The following SESTD1 variants were observed in gnomAD, a reference collection of about 807,000 sequenced individuals.
SESTD1 encodes the protein SEC14 and spectrin domain containing 1, also known as SEC14 domain and spectrin repeat-containing protein 1.
A neutral mutation model predicts 101.7 loss-of-function variants in SESTD1; 43 were observed. The observed-to-expected ratio is 0.42, with a 90% CI of 0.33 to 0.55. The LOEUF (loss-of-function observed/expected upper bound fraction) is 0.55. Among genes scored for constraint, SESTD1 ranks in the 20% least tolerant of loss-of-function variants. The pLI is 0.07. For synonymous variants in SESTD1, 283 were observed against 286.8 expected (o/e 0.99, Z 0.13); for missense variants, 647 against 815.1 (o/e 0.79, Z 2.51).
At chr2:179,113,928 T>G (rs1575419079) in intron 16 of SESTD1, among the ~76,000 whole-genome samples, 1 of 148,518 alleles carries the variant, frequency 6.7e-6, no homozygotes, top group Non-Finnish European at 1.5e-5. Flanking sequence ...CCTTTGACAG[T>G]GAGGTGATTG....
At chr2:179,260,258 G>T (rs2047463229) in intron 1 of SESTD1, among the ~76,000 whole-genome samples, 3 of 152,186 alleles carry the variant, frequency 2.0e-5, no homozygotes, top group Admixed American at 2.0e-4. Context: ...CGGGCCAGGT[G>T]CAATGGCTCA....
At position 179,102,141 on chromosome 2, in the gene SESTD1, G is replaced by A. The variant is rs142738328; in HGVS notation, c.*7758C>T. 6.6e-6 allele frequency: 1 copy of A among 152,226 alleles called. No individual in the cohort carries two copies. Among genetic ancestry groups the A allele is most frequent in the African/African-American group, 2.4e-5 (1 of 41,536 alleles). The allele number at this position is 152,226 out of a possible 1,614,324, so 9.4% of individuals were successfully genotyped here. ...AAATTTCACCACTGTCTATTATGGT[G>A]AGAACCTATTTCTGACAACATGAGA... is the stretch of plus-strand genomic sequence containing the variant. On this transcript the variant is annotated 3_prime_UTR_variant, in exon 18 of 18. Coordinates refer to ENST00000428443, the MANE Select transcript of SESTD1 (RefSeq NM_178123.5).
intron 2 of SESTD1, among the ~76,000 whole-genome samples, chr2:179,184,287 A>T (rs1300126910): frequency 6.6e-6 from 1 of 152,218 alleles, no homozygotes; most frequent in Non-Finnish European, 1.5e-5. Flanking sequence ...CTTAAAAAGC[A>T]GCAAATACTG....
chr2:179,184,693 G>C (rs1235336205), intron 2 of SESTD1, among the ~76,000 whole-genome samples: 1 of 152,136 alleles, frequency 6.6e-6, no homozygotes, highest in African/African-American at 2.4e-5. Flanking sequence ...GGTCAAGAGA[G>C]GGCGTTAATA....
At chr2:179,226,198 C>T (rs2046882944) in intron 1 of SESTD1, among the ~76,000 whole-genome samples, 1 of 152,172 alleles carries the variant, frequency 6.6e-6, no homozygotes, top group Admixed American at 6.5e-5. Flanking sequence ...AAATAGGCTA[C>T]ACATACTCTT....
At chr2:179,115,322 T>C in intron 15 of SESTD1, 66 bp from the exon 16 acceptor site, 1 of 1,258,324 alleles carries the variant, frequency 7.9e-7, no homozygotes, top group Non-Finnish European at 1.1e-6. Context: ...GGGGAAAGTG[T>C]GCAGGAAGAT....
At chr2:179,184,826 C>T (rs1363087008) in intron 2 of SESTD1, among the ~76,000 whole-genome samples, 1 of 150,954 alleles carries the variant, frequency 6.6e-6, no homozygotes, top group Non-Finnish European at 1.5e-5. Flanking sequence ...GTAGAATTGT[C>T]TTTAGAAGAT....
intron 5 of SESTD1, among the ~76,000 whole-genome samples, chr2:179,158,311 C>T (rs2045668111): frequency 6.6e-6 from 1 of 152,084 alleles, no homozygotes; most frequent in African/African-American, 2.4e-5. Flanking sequence ...CTATCTTGTC[C>T]AATGAAGAGC....
intron 3 of SESTD1, among the ~76,000 whole-genome samples, chr2:179,180,803 T>G (rs1020649744): frequency 2.6e-5 from 4 of 152,106 alleles, no homozygotes; most frequent in Admixed American, 1.3e-4. Flanking sequence ...CTCTCTAGCA[T>G]CGCAATGGAG....
chr2:179,200,493 G>A (rs2046490278), intron 1 of SESTD1, among the ~76,000 whole-genome samples: 1 of 151,966 alleles, frequency 6.6e-6, no homozygotes, highest in Non-Finnish European at 1.5e-5. Context: ...AACAAAGCTG[G>A]AGGCATCACA....
At chr2:179,116,532 A>G (rs778237038) in intron 15 of SESTD1, 136 bp downstream of exon 15, 4 of 1,416,410 alleles carry the variant, frequency 2.8e-6, no homozygotes, top group East Asian at 2.3e-5. Flanking sequence ...ACCAGCTGAC[A>G]TTTTCTTAAT....
At chr2:179,137,184 T>A (rs2045165349) in intron 9 of SESTD1, among the ~76,000 whole-genome samples, 1 of 152,316 alleles carries the variant, frequency 6.6e-6, no homozygotes, top group Admixed American at 6.5e-5. Context: ...TGGTTACATT[T>A]ACATGCAAAG....
intron 3 of SESTD1, among the ~76,000 whole-genome samples, chr2:179,178,168 C>CT (rs1462667836): frequency 6.6e-6 from 1 of 152,160 alleles, no homozygotes; most frequent in Non-Finnish European, 1.5e-5. Flanking sequence ...GAATTGTCTA[C>CT]TTTAAAAAGA....
At chr2:179,155,074 G>A (rs780855167) in intron 5 of SESTD1, among the ~76,000 whole-genome samples, 10 of 151,906 alleles carry the variant, frequency 6.6e-5, no homozygotes, top group Non-Finnish European at 1.5e-4. Context: ...CACCATGCTC[G>A]GCTCATTTTT....
chr2:179,225,889 A>C (rs1424719179), intron 1 of SESTD1, among the ~76,000 whole-genome samples: 1 of 152,166 alleles, frequency 6.6e-6, no homozygotes, highest in Non-Finnish European at 1.5e-5. Context: ...CTAAGTTCCA[A>C]CACATGAATT....
chr2:179,133,046 C>A (rs1198258297), intron 9 of SESTD1, among the ~76,000 whole-genome samples: 1 of 152,140 alleles, frequency 6.6e-6, no homozygotes, highest in East Asian at 1.9e-4. Flanking sequence ...TTGGACTCTT[C>A]TTAGGATCAA....
chr2:179,128,753 A>G (rs2044940365), intron 10 of SESTD1, among the ~76,000 whole-genome samples: 2 of 151,854 alleles, frequency 1.3e-5, no homozygotes, highest in African/African-American at 2.4e-5. Flanking sequence ...AAAAGAAAAA[A>G]AAAAAAACCC....
chr2:179,216,464 C>T lies in SESTD1; in HGVS notation c.-25-24598G>A, dbSNP rs1309538648. 5.2e-5 allele frequency among the ~76,000 whole-genome samples: 7 copies of T among 134,720 alleles called. 1 individual carries two copies. Among genetic ancestry groups the T allele is most frequent in the Non-Finnish European group, 1.1e-4 (7 of 62,806 alleles). 88.4% of individuals were successfully genotyped at this position (134,720 alleles called of 152,430 possible). ...CTTCAAGGAGAACTACCAACCACTG[C>T]TCAATGAAATAAAAGAGGACACAAA... On this transcript the variant is annotated intron_variant, in intron 1 of 17. Coordinates refer to ENST00000428443, the MANE Select transcript of SESTD1 (RefSeq NM_178123.5).
At chr2:179,198,617 A>C (rs1221086394) in intron 1 of SESTD1, among the ~76,000 whole-genome samples, 1 of 151,952 alleles carries the variant, frequency 6.6e-6, no homozygotes, top group Non-Finnish European at 1.5e-5. Flanking sequence ...CTCAGACCAC[A>C]GTGCAATCAA....
Sources: gnomAD v4.1 joint callset for allele counts (sites outside exome capture counted in the v4.1 genomes callset) on GRCh38, gnomAD v4.1.1 for gene constraint, MANE v1.5 for transcripts, NCBI Gene and HGNC (gene_info 2026-07-23, HGNC 2026-07-21) for gene names.